The following GPSM2 variants were observed in gnomAD, a reference collection of about 807,000 sequenced individuals.
GPSM2 encodes the protein G protein signaling modulator 2.
GPSM2 carries 58 observed loss-of-function variants against 78.4 expected under a neutral mutation model. That is an observed-to-expected ratio of 0.74 (90% confidence interval 0.60 to 0.92). GPSM2 has a LOEUF of 0.92. GPSM2 is among the 40% of genes least tolerant of loss of function. GPSM2 has a pLI of 0.00. For missense variants in GPSM2, 700 were observed against 815.5 expected, an observed-to-expected ratio of 0.86 and a Z score of 1.73; for synonymous variants, 224 against 280.2, an observed-to-expected ratio of 0.80 and a Z score of 2.00.
chr1:108,921,114 T>C (rs558220478), intron 12 of GPSM2, among the ~76,000 whole-genome samples: 1 of 152,258 alleles, frequency 6.6e-6, no homozygotes, highest in Admixed American at 6.5e-5. Flanking sequence ...TCAAATCCAC[T>C]GTGTCCCTCA....
rs1327414980 is a variant in GPSM2, at chr1:108,885,338, T to A, written c.-185T>A. The A allele has an allele frequency of 1.9e-6, 1 of 517,908 alleles. No individual in the cohort carries two copies. The highest frequency in any genetic ancestry group is 3.4e-6 in the Non-Finnish European group (1 of 293,570). 32.1% of individuals were successfully genotyped at this position (517,908 alleles called of 1,614,324 possible). A position where few individuals can be genotyped will look rare whatever the true frequency, so the allele number is the denominator to read the frequency against. On this transcript the variant is annotated 5_prime_UTR_variant, in exon 2 of 15. Coordinates refer to ENST00000264126, the MANE Select transcript of GPSM2 (RefSeq NM_013296.5). ...AAGGATTTGGGATACATTTTGAACC[T>A]TTAAGCTGTCTGACATTGACCTCCT...
intron 10 of GPSM2, chr1:108,910,095 A>C (rs1305494538): frequency 6.6e-6 from 1 of 152,136 alleles, no homozygotes. Context: ...ATTTTGACTA[A>C]GTCTACAGAA....
At chr1:108,901,764 A>G (rs750122855) in intron 7 of GPSM2, 26 bp from the exon 8 acceptor site, 6 of 1,569,360 alleles carry the variant, frequency 3.8e-6, no homozygotes, top group Non-Finnish European at 5.3e-6. Flanking sequence ...AATGATCATT[A>G]TATAAGAATT....
chr1:108,918,893 TA>T, intron 12 of GPSM2, 104 bp downstream of exon 12: 2 of 745,838 alleles, frequency 2.7e-6, no homozygotes, highest in South Asian at 3.1e-5. Context: ...ACATTTAATA[TA>T]AAATATCTTT....
intron 11 of GPSM2, among the ~76,000 whole-genome samples, chr1:108,915,084 G>T (rs1650077233): frequency 1.3e-5 from 2 of 152,082 alleles, no homozygotes; most frequent in African/African-American, 4.8e-5. Context: ...TGTCAAAATA[G>T]GCTCTCGGCC....
At chr1:108,929,458 A>T in intron 14 of GPSM2, 1 of 532,120 alleles carries the variant, frequency 1.9e-6, no homozygotes, top group African/African-American at 1.9e-5. Context: ...AAACCAATGA[A>T]GCAGCTATAC....
intron 1 of GPSM2, among the ~76,000 whole-genome samples, chr1:108,881,159 C>T (rs755490198): frequency 2.0e-5 from 3 of 152,106 alleles, no homozygotes; most frequent in Non-Finnish European, 2.9e-5. Context: ...TCTGTCAATT[C>T]CCGGGATATG....
At chr1:108,881,463 TAC>T (rs1239634281) in intron 1 of GPSM2, among the ~76,000 whole-genome samples, 1 of 152,242 alleles carries the variant, frequency 6.6e-6, no homozygotes, top group African/African-American at 2.4e-5. Flanking sequence ...TTACACTATA[TAC>T]ACACACATTG....
rs1449004174 is a variant in GPSM2, at chr1:108,933,621, G to T, written c.*3681G>T. Reference sequence around the variant, plus strand: ...TAAGCAGTTGAACATAACTTGTAGTGTGAATATGGTTAAAACAAAGGACAC... The same window carrying T: ...TAAGCAGTTGAACATAACTTGTAGTTTGAATATGGTTAAAACAAAGGACAC... On this transcript the variant is annotated 3_prime_UTR_variant, in exon 15 of 15. Transcript: ENST00000264126. 6.6e-6 allele frequency: 1 copy of T among 152,254 alleles called. No homozygotes were observed. Among genetic ancestry groups the T allele is most frequent in the Non-Finnish European group, 1.5e-5 (1 of 68,046 alleles). The allele number at this position is 152,254 out of a possible 1,614,324, so 9.4% of individuals were successfully genotyped here.
chr1:108,889,099 G>T (rs1034134140), intron 2 of GPSM2, among the ~76,000 whole-genome samples: 1 of 152,132 alleles, frequency 6.6e-6, no homozygotes, highest in African/African-American at 2.4e-5. Flanking sequence ...TTGTTCCCCG[G>T]TGCTGTAAAG....
intron 11 of GPSM2, among the ~76,000 whole-genome samples, 190 bp downstream of exon 11, chr1:108,914,598 G>A (rs1650034588): frequency 6.6e-6 from 1 of 152,040 alleles, no homozygotes; most frequent in South Asian, 2.1e-4. Context: ...ATCTGTTTAA[G>A]AAAAATACAT....
rs1238606008 is a variant in GPSM2 at position 108,931,148 on chromosome 1, C to CTAAG, written c.*1210_*1213dup. 5 of 613,132 alleles carry CTAAG rather than the reference C, an allele frequency of 8.2e-6. No individual in the cohort carries two copies. Among genetic ancestry groups the CTAAG allele is most frequent in the Admixed American group, 3.6e-5 (1 of 28,156 alleles). The allele number at this position is 613,132 out of a possible 1,614,324, so 38.0% of individuals were successfully genotyped here. On this transcript the variant is annotated 3_prime_UTR_variant, in exon 15 of 15. Coordinates refer to ENST00000264126, the MANE Select transcript of GPSM2 (RefSeq NM_013296.5). ...TAATACTGCTGTAAAACAAACTTTT[C>CTAAG]TAAGTTCTAATATAAAAACAAAAAA...
intron 12 of GPSM2, among the ~76,000 whole-genome samples, chr1:108,920,764 C>A (rs1237865597): frequency 6.6e-6 from 1 of 152,078 alleles, no homozygotes; most frequent in East Asian, 1.9e-4. Context: ...TAGAGCAGGA[C>A]TGGAATTCAA....
At position 108,917,653 on chromosome 1, in the gene GPSM2, T is replaced by C. The variant is rs1324452003; in HGVS notation, c.1264-960T>C. On this transcript the variant is annotated intron_variant, in intron 11 of 14. Coordinates refer to ENST00000264126, the MANE Select transcript of GPSM2 (RefSeq NM_013296.5). ...ATATATATATATATATATATATATA[T>C]ATATATATATATAAATGAGTTCTCA... 2.6e-4 allele frequency among the ~76,000 whole-genome samples: 13 copies of C among 49,252 alleles called. 2 individuals carry two copies. Among genetic ancestry groups the C allele is most frequent in the Admixed American group, 8.4e-4 (4 of 4,742 alleles). 32.3% of individuals were successfully genotyped at this position (49,252 alleles called of 152,430 possible). A position where few individuals can be genotyped will look rare whatever the true frequency, so the allele number is the denominator to read the frequency against.
At chr1:108,908,362 C>G (rs1355432819) in intron 10 of GPSM2, among the ~76,000 whole-genome samples, 1 of 145,936 alleles carries the variant, frequency 6.9e-6, no homozygotes, top group Non-Finnish European at 1.5e-5. Flanking sequence ...CAGAGCGAGA[C>G]TCTGTCTCAA....
rs1474044979 is a variant in GPSM2 at position 108,933,931 on chromosome 1, G to C, written c.*3991G>C. The C allele has an allele frequency of 1.3e-5, 2 of 152,194 alleles. No individual in the cohort carries two copies. The highest frequency in any genetic ancestry group is 2.9e-5 in the Non-Finnish European group (2 of 68,030). The allele number at this position is 152,194 out of a possible 1,614,324, so 9.4% of individuals were successfully genotyped here. On this transcript the variant is annotated 3_prime_UTR_variant, in exon 15 of 15. Transcript: ENST00000264126. ...TAATAGTCTCCACTGCTAGGATTCTGAGTAACACAAAAAATAGGTTTTATA... is the reference window on the plus strand; with the variant it reads ...TAATAGTCTCCACTGCTAGGATTCTCAGTAACACAAAAAATAGGTTTTATA...
Position 108,924,059 on chromosome 1 carries a change from TCA to T in GPSM2, c.1663_1664del (p.Gln555GlufsTer6), listed in dbSNP as rs1452282186. On this transcript the variant is annotated frameshift_variant, in exon 14 of 15. Transcript: ENST00000264126. LOFTEE classifies it high-confidence loss of function. ...TDEFLDLLAS[S>X]QSRRLDDQRA... Reference sequence around the variant, plus strand: ...TGAGTTTTTAGATCTTCTTGCCAGCTCACAGAGTCGCCGTCTGGATGACCAGA... The same window carrying T: ...TGAGTTTTTAGATCTTCTTGCCAGCTCAGAGTCGCCGTCTGGATGACCAGA... 1.2e-6 allele frequency: 2 copies of T among 1,613,852 alleles called. No individual in the cohort carries two copies. The highest frequency in any genetic ancestry group is 1.7e-5 in the Admixed American group (1 of 60,026).
chr1:108,910,737 C>T (rs1159769634), intron 10 of GPSM2, among the ~76,000 whole-genome samples: 1 of 151,868 alleles, frequency 6.6e-6, no homozygotes, highest in Non-Finnish European at 1.5e-5. Flanking sequence ...GTGGTGTGTG[C>T]CTGGAATCCC....
chr1:108,881,162 G>A (rs1323988074), intron 1 of GPSM2, among the ~76,000 whole-genome samples: 2 of 152,096 alleles, frequency 1.3e-5, no homozygotes, highest in Admixed American at 6.5e-5. Flanking sequence ...GTCAATTCCC[G>A]GGATATGGAA....
Sources: gnomAD v4.1 joint callset for allele counts (sites outside exome capture counted in the v4.1 genomes callset) on GRCh38, gnomAD v4.1.1 for gene constraint, MANE v1.5 for transcripts, NCBI Gene and HGNC (gene_info 2026-07-23, HGNC 2026-07-21) for gene names.